Variants in DFFA observed in about 807,000 individuals in gnomAD.
DFFA encodes DFF45.
A neutral mutation model predicts 28.0 loss-of-function variants in DFFA; 14 were observed. The observed-to-expected ratio is 0.50, with a 90% CI of 0.33 to 0.78. The LOEUF is 0.78. Among genes scored for constraint, DFFA ranks in the 30% least tolerant of loss-of-function variants. The pLI, the probability that DFFA is intolerant of heterozygous loss-of-function variation, is 0.02. For missense variants in DFFA, 395 were observed against 407.1 expected (o/e 0.97, Z 0.26); for synonymous variants, 158 against 170.3 (o/e 0.93, Z 0.56).
At position 10,460,830 on chromosome 1, in the gene DFFA, G is replaced by C. The variant is rs1444496449; in HGVS notation, c.*660C>G. 3 of 136,826 alleles carry C rather than the reference G, an allele frequency of 2.2e-5. No homozygotes were observed. The highest frequency in any genetic ancestry group is 7.6e-5 in the African/African-American group (3 of 39,246). 8.5% of individuals were successfully genotyped at this position (136,826 alleles called of 1,614,324 possible). A position where few individuals can be genotyped will look rare whatever the true frequency, so the allele number is the denominator to read the frequency against. On this transcript the variant is annotated 3_prime_UTR_variant, in exon 6 of 6. Transcript: ENST00000377038. Reference sequence around the variant, plus strand: ...AGCGTGAGCCAACACGCTCGGCCTGGCTTTTTTTTTTTTTAACATGTTCCA... The same window carrying C: ...AGCGTGAGCCAACACGCTCGGCCTGCCTTTTTTTTTTTTTAACATGTTCCA...
chr1:10,461,200 G>A lies in DFFA; in HGVS notation c.*290C>T, dbSNP rs562124006. ...TGGGATTACAGGCGTGAGCCACTGC[G>A]CCTGGCCAATCACTGCCAATTACTT... On this transcript the variant is annotated 3_prime_UTR_variant, in exon 6 of 6. Coordinates refer to ENST00000377038, the MANE Select transcript of DFFA (RefSeq NM_004401.3). 2.8e-4 allele frequency: 95 copies of A among 336,272 alleles called. No homozygotes were observed. The highest frequency in any genetic ancestry group is 3.8e-4 in the Non-Finnish European group (69 of 179,796). The allele number at this position is 336,272 out of a possible 1,614,324, so 20.8% of individuals were successfully genotyped here. A position where few individuals can be genotyped will look rare whatever the true frequency, so the allele number is the denominator to read the frequency against.
rs763918128 is a variant in DFFA at position 10,463,149 on chromosome 1, GTC to G, written c.690_691del (p.Glu230AspfsTer27). The G allele has an allele frequency of 3.1e-6, 5 of 1,614,122 alleles. No individual in the cohort carries two copies. The East Asian group carries it at 1.1e-4, about 36-fold the overall frequency. ...GCTCGCCAGCGCAACGTCCGAGGAG[GTC>G]TCTCTGCTGATACCCGTGTCTACTG... is the stretch of plus-strand genomic sequence containing the variant. On this transcript the variant is annotated frameshift_variant, in exon 5 of 6. Coordinates refer to ENST00000377038, the MANE Select transcript of DFFA (RefSeq NM_004401.3). LOFTEE classifies it high-confidence loss of function.
At position 10,467,334 on chromosome 1, in the gene DFFA, T is replaced by C. The variant is rs764905737; in HGVS notation, c.299-2A>G. 5 of 1,614,114 alleles carry C rather than the reference T, an allele frequency of 3.1e-6. No homozygotes were observed. Among genetic ancestry groups the C allele is most frequent in the Non-Finnish European group, 4.2e-6 (5 of 1,180,000 alleles). On this transcript the variant is annotated splice_acceptor_variant, in intron 2 of 5. Transcript: ENST00000377038. LOFTEE classifies it high-confidence loss of function. ...GGGAAATCCAAGCTGTACCTCCATCTGACACATGGGAGAAAATGCCAGTCA... is the reference window on the plus strand; with the variant it reads ...GGGAAATCCAAGCTGTACCTCCATCCGACACATGGGAGAAAATGCCAGTCA...
chr1:10,465,867 G>T (rs1291523986), intron 3 of DFFA, among the ~76,000 whole-genome samples: 1 of 151,528 alleles, frequency 6.6e-6, no homozygotes, highest in Non-Finnish European at 1.5e-5. Context: ...AATTTTTGTA[G>T]AGATAGGGTT....
chr1:10,457,976 T>C lies in DFFA; in HGVS notation c.*3514A>G, dbSNP rs961856776. The C allele has an allele frequency of 2.0e-5, 3 of 152,188 alleles. No homozygotes were observed. The highest frequency in any genetic ancestry group is 4.8e-5 in the African/African-American group (2 of 41,440). The allele number at this position is 152,188 out of a possible 1,614,324, so 9.4% of individuals were successfully genotyped here. A position where few individuals can be genotyped will look rare whatever the true frequency, so the allele number is the denominator to read the frequency against. The stretch of plus-strand genomic sequence containing the variant: ...ATTCTGGGAAGCTGATGTGGGAGGA[T>C]TGCTTGAGGCCTGGAGTTTGAGACC... On this transcript the variant is annotated 3_prime_UTR_variant, in exon 6 of 6. Coordinates refer to ENST00000377038, the MANE Select transcript of DFFA (RefSeq NM_004401.3).
intron 5 of DFFA, 124 bp downstream of exon 5, chr1:10,462,934 A>G: frequency 2.6e-6 from 4 of 1,513,596 alleles, no homozygotes; most frequent in Non-Finnish European, 3.5e-6. Context: ...TATAATAGGC[A>G]AACTGGCAGC....
In DFFA at chr1:10,463,463, T is replaced by A. The variant is rs181824449; in HGVS notation, c.599A>T (p.Glu200Val). ...QLLQLYLQAL[E>V]KEGSLLSKQE... The stretch of plus-strand genomic sequence containing the variant: ...CTTTGACAAGAGGCTGCCCTCTTTC[T>A]CCAAAGCCTGGAGGTACAGCTGCAG... The change falls in exon 4 of 6, where the codon GAG becomes GTG. Residue 200 changes from glutamate to valine, a missense_variant. Coordinates refer to ENST00000377038, the MANE Select transcript of DFFA (RefSeq NM_004401.3). 7 of 1,613,822 alleles carry A rather than the reference T, an allele frequency of 4.3e-6. No homozygotes were observed. The highest frequency in any genetic ancestry group is 5.9e-6 in the Non-Finnish European group (7 of 1,179,964).
chr1:10,468,684 T>C (rs1641053167), intron 2 of DFFA, among the ~76,000 whole-genome samples: 1 of 151,794 alleles, frequency 6.6e-6, no homozygotes, highest in Admixed American at 6.6e-5. Context: ...CAGGCTGCAT[T>C]TCAGTTGCTG....
In DFFA at chr1:10,472,290, C is replaced by G. The variant is rs1641109315; in HGVS notation, c.136+33G>C. 1 of 1,551,106 alleles carries G rather than the reference C, an allele frequency of 6.4e-7. No homozygotes were observed. The highest frequency in any genetic ancestry group is 8.7e-7 in the Non-Finnish European group (1 of 1,143,010). ...CGGACGTCCTCACCCGGCCCTGGCT[C>G]CCCCACACCCTCGCCCGGGGTCCCG... On this transcript the variant is annotated intron_variant, in intron 1 of 5. Transcript: ENST00000377038. The surrounding 1 kb of genome is among the most constrained non-coding windows in gnomAD (Gnocchi z 5.0).
At chr1:10,468,338 GA>G (rs957925594) in intron 2 of DFFA, among the ~76,000 whole-genome samples, 1 of 151,062 alleles carries the variant, frequency 6.6e-6, no homozygotes, top group African/African-American at 2.4e-5. Flanking sequence ...TGCCCCCCAG[GA>G]GACATCTGAC....
Position 10,457,400 on chromosome 1 carries a change from G to A in DFFA, c.*4090C>T, listed in dbSNP as rs971923386. Reference sequence around the variant, plus strand: ...GTGGTACTTCATTTAGGCCAGGCGTGGTGGCTCACCACCTATACTCCCAGC... The same window carrying A: ...GTGGTACTTCATTTAGGCCAGGCGTAGTGGCTCACCACCTATACTCCCAGC... On this transcript the variant is annotated 3_prime_UTR_variant, in exon 6 of 6. Coordinates refer to ENST00000377038, the MANE Select transcript of DFFA (RefSeq NM_004401.3). The A allele has an allele frequency of 1.3e-5, 2 of 152,160 alleles. No individual in the cohort carries two copies. The highest frequency in any genetic ancestry group is 2.9e-5 in the Non-Finnish European group (2 of 68,082). 9.4% of individuals were successfully genotyped at this position (152,160 alleles called of 1,614,324 possible). A position where few individuals can be genotyped will look rare whatever the true frequency, so the allele number is the denominator to read the frequency against.
intron 2 of DFFA, 118 bp downstream of exon 2, chr1:10,469,059 A>G (rs574469691): frequency 1.4e-4 from 152 of 1,110,290 alleles, no homozygotes; most frequent in Non-Finnish European, 1.9e-4. Context: ...TGCTCAGTAA[A>G]TATCTGTTGA....
In DFFA at chr1:10,461,580, G is replaced by A. The variant is rs763254987; in HGVS notation, c.906C>T (p.Ser302=). ...CTGAGATGCTCCGGAGAGAATGCAA[G>A]CTCTGCGTCTGCTGCAGGCGCAGGG... is the stretch of plus-strand genomic sequence containing the variant. ...ELALRLQQTQ[S]LHSLRSISAS... Residue 302 remains serine (S), a synonymous_variant, in exon 6 of 6, where the codon AGC becomes AGT. Transcript: ENST00000377038. The A allele has an allele frequency of 1.1e-5, 17 of 1,614,250 alleles. 1 individual carries two copies. In the South Asian group the frequency reaches 1.8e-4, roughly 17 times the overall value.
In DFFA at chr1:10,463,500, A is replaced by G. The variant is rs1056424652; in HGVS notation, c.562T>C (p.Ser188Pro). ...VLDQREEVRQ[S>P]KQLLQLYLQA... ...AGGTACAGCTGCAGGAGCTGCTTGG[A>G]CTGACGCACTTCCTCTCTTTGGTCA... is the stretch of plus-strand genomic sequence containing the variant. The change falls in exon 4 of 6, where the codon TCC (serine) becomes CCC (proline). Residue 188 changes from serine (S) to proline (P), a missense_variant. Physicochemically the swap from Ser to Pro is moderately conservative, Grantham distance 74 (BLOSUM62 -1). Coordinates refer to ENST00000377038, the MANE Select transcript of DFFA (RefSeq NM_004401.3). 1.2e-6 allele frequency: 2 copies of G among 1,613,602 alleles called. No homozygotes were observed. The highest frequency in any genetic ancestry group is 1.1e-5 in the South Asian group (1 of 91,080).
rs1193843683 is a variant in DFFA at position 10,463,111 on chromosome 1, C to A, written c.730G>T (p.Ala244Ser). The A allele has an allele frequency of 6.2e-7, 1 of 1,614,048 alleles. No homozygotes were observed. Among genetic ancestry groups the A allele is most frequent in the African/African-American group, 1.3e-5 (1 of 74,910 alleles). ...TCTGGAGCCTGCTTCTCCCTCAGTG[C>A]AGTAAGGATGTGGCTCGCCAGCGCA... ...DVALASHILTALREKQAPELS... is the reference protein window; with the variant it reads ...DVALASHILTSLREKQAPELS... Residue 244 changes from alanine (A) to serine (S), a missense_variant, in exon 5 of 6, where the codon GCA (alanine) becomes TCA (serine). By Grantham distance (99) the Ala-to-Ser change is moderately conservative. Transcript: ENST00000377038.
At position 10,458,747 on chromosome 1, in the gene DFFA, G is replaced by C. The variant is rs1454476788; in HGVS notation, c.*2743C>G. The stretch of plus-strand genomic sequence containing the variant: ...AGACTGGGTTTTGTCACGTTGGCCA[G>C]GCTGGTCTCAAACTCCTGACCTCAG... On this transcript the variant is annotated 3_prime_UTR_variant, in exon 6 of 6. Transcript: ENST00000377038. 6.6e-6 allele frequency: 1 copy of C among 152,094 alleles called. No homozygotes were observed. Among genetic ancestry groups the C allele is most frequent in the Non-Finnish European group, 1.5e-5 (1 of 68,054 alleles). 9.4% of individuals were successfully genotyped at this position (152,094 alleles called of 1,614,324 possible).
At chr1:10,470,979 A>C (rs966308474) in intron 1 of DFFA, among the ~76,000 whole-genome samples, 4 of 143,482 alleles carry the variant, frequency 2.8e-5, no homozygotes, top group African/African-American at 7.7e-5. Flanking sequence ...AGGAGAATGG[A>C]GTGAACCCGG....
In DFFA at chr1:10,463,122, TGGC is replaced by T; in HGVS notation, c.716_718del (p.Ser239_His240delinsAsn). On this transcript the variant is annotated inframe_deletion, in exon 5 of 6. Transcript: ENST00000377038. The stretch of plus-strand genomic sequence containing the variant: ...CTTCTCCCTCAGTGCAGTAAGGATG[TGGC>T]TCGCCAGCGCAACGTCCGAGGAGGT... The T allele has an allele frequency of 6.2e-7, 1 of 1,614,200 alleles. No individual in the cohort carries two copies. Among genetic ancestry groups the T allele is most frequent in the Non-Finnish European group, 8.5e-7 (1 of 1,180,038 alleles).
chr1:10,468,204 G>C (rs143472367), intron 2 of DFFA, among the ~76,000 whole-genome samples: 243 of 151,636 alleles, frequency 1.6e-3, no homozygotes, highest in African/African-American at 5.7e-3. Context: ...ACCAATGTTA[G>C]TCCCCTTTCT....
Sources: allele counts gnomAD v4.1 joint callset (sites outside exome capture counted in the v4.1 genomes callset), GRCh38; gene constraint gnomAD v4.1.1; non-coding constraint Gnocchi (gnomAD v3.1); transcripts MANE v1.5; gene names NCBI Gene and HGNC (gene_info 2026-07-23, HGNC 2026-07-21).